RPRD2: variants seen among roughly 807,000 people sequenced by gnomAD.
RPRD2 encodes regulation of nuclear pre-mRNA domain containing 2.
In RPRD2, 12 loss-of-function variants were observed where a neutral mutation model predicts 104.4. That is an observed-to-expected ratio of 0.11 (90% CI 0.07 to 0.19). The LOEUF (loss-of-function observed/expected upper bound fraction) is 0.19. Among genes scored for constraint, RPRD2 ranks in the 10% least tolerant of loss-of-function variants. RPRD2 has a pLI of 1.00. For missense variants in RPRD2, 1,543 were observed against 1,790.1 expected (o/e 0.86, Z 2.49); for synonymous variants, 714 against 684.9 (o/e 1.04, Z -0.66).
chr1:150,372,797 G>T (rs1660415302), intron 1 of RPRD2, among the ~76,000 whole-genome samples: 1 of 152,114 alleles, frequency 6.6e-6, no homozygotes, highest in Non-Finnish European at 1.5e-5. Context: ...TGAGGTTAGA[G>T]TGTGCCTGGT....
chr1:150,437,994 A>G (rs1666127018), intron 2 of RPRD2, among the ~76,000 whole-genome samples: 1 of 151,312 alleles, frequency 6.6e-6, no homozygotes, highest in Non-Finnish European at 1.5e-5. Context: ...AAAAAAAAAA[A>G]AAAGTTGAGC....
At chr1:150,419,367 A>G (rs1664597296) in intron 2 of RPRD2, among the ~76,000 whole-genome samples, 2 of 152,226 alleles carry the variant, frequency 1.3e-5, no homozygotes, top group African/African-American at 2.4e-5. Context: ...GATCCTGTCA[A>G]ATTATGGAAT....
At chr1:150,417,574 T>C in intron 1 of RPRD2, 22 bp from the exon 2 acceptor site, 1 of 1,499,196 alleles carries the variant, frequency 6.7e-7, no homozygotes, top group Non-Finnish European at 9.0e-7. Context: ...TGGTTTTATT[T>C]ATTGTCTTTT....
chr1:150,405,054 G>C (rs964401740), intron 1 of RPRD2, among the ~76,000 whole-genome samples: 2 of 152,168 alleles, frequency 1.3e-5, no homozygotes, highest in Non-Finnish European at 2.9e-5. Flanking sequence ...GCTGAGGGTT[G>C]TTTGCAGGAT....
intron 1 of RPRD2, among the ~76,000 whole-genome samples, chr1:150,382,047 C>G (rs587739250): frequency 6.6e-6 from 1 of 152,266 alleles, no homozygotes; most frequent in African/African-American, 2.4e-5. Flanking sequence ...TTAGAAAATT[C>G]AGCAAATGAT....
chr1:150,412,389 C>T (rs373271728), intron 1 of RPRD2, among the ~76,000 whole-genome samples: 1 of 151,824 alleles, frequency 6.6e-6, no homozygotes, highest in Non-Finnish European at 1.5e-5. Flanking sequence ...GGGTGGTTTG[C>T]GGGAAGAAGT....
chr1:150,416,886 A>AAAC (rs1553888683), intron 1 of RPRD2, among the ~76,000 whole-genome samples: 6 of 151,226 alleles, frequency 4.0e-5, no homozygotes, highest in African/African-American at 9.7e-5. Flanking sequence ...AAAAAAAAAA[A>AAAC]AAAAACAAAA....
At chr1:150,411,392 C>G (rs587744804) in intron 1 of RPRD2, among the ~76,000 whole-genome samples, 1 of 139,222 alleles carries the variant, frequency 7.2e-6, no homozygotes, top group Admixed American at 7.3e-5. Flanking sequence ...ACCTGGGAGG[C>G]GGAGGTTGCA....
intron 2 of RPRD2, among the ~76,000 whole-genome samples, chr1:150,422,340 A>AAATAGTAATAATAATAAT (rs1664817758): frequency 7.8e-6 from 1 of 128,320 alleles, no homozygotes. Context: ...CTCTGTCTCA[A>AAATAGTAATAATAATAAT]AATAATAATA....
chr1:150,470,458 TG>T, intron 10 of RPRD2, 102 bp from the exon 11 acceptor site: 1 of 1,225,796 alleles, frequency 8.2e-7, no homozygotes, highest in Non-Finnish European at 1.1e-6. Context: ...TTTGTCTATC[TG>T]GTTCCCACCA....
At chr1:150,405,842 T>C (rs1380537690) in intron 1 of RPRD2, among the ~76,000 whole-genome samples, 1 of 152,214 alleles carries the variant, frequency 6.6e-6, no homozygotes, top group Non-Finnish European at 1.5e-5. Flanking sequence ...CTGTTGACGC[T>C]TCCCACCCAT....
At chr1:150,452,605 G>A (rs1667259464) in intron 7 of RPRD2, among the ~76,000 whole-genome samples, 1 of 144,596 alleles carries the variant, frequency 6.9e-6, no homozygotes, top group African/African-American at 2.5e-5. Context: ...TTGATGCTCA[G>A]TTTGACAAAG....
At chr1:150,373,530 T>C (rs1333925515) in intron 1 of RPRD2, among the ~76,000 whole-genome samples, 1 of 137,626 alleles carries the variant, frequency 7.3e-6, no homozygotes, top group African/African-American at 2.9e-5. Flanking sequence ...TAATCAAGAA[T>C]GACTTTTTTT....
chr1:150,401,933 G>T (rs1321385554), intron 1 of RPRD2, among the ~76,000 whole-genome samples: 3 of 147,778 alleles, frequency 2.0e-5, no homozygotes, highest in African/African-American at 7.5e-5. Flanking sequence ...GTGAGCCACC[G>T]TGCCCAGTGG....
chr1:150,419,099 G>A (rs1036730549), intron 2 of RPRD2, among the ~76,000 whole-genome samples: 1 of 152,120 alleles, frequency 6.6e-6, no homozygotes, highest in African/African-American at 2.4e-5. Context: ...CCCCACATTC[G>A]GGGAGAATTC....
intron 2 of RPRD2, among the ~76,000 whole-genome samples, 172 bp downstream of exon 2, chr1:150,417,897 TTTTC>T (rs1553888878): frequency 7.3e-5 from 11 of 151,286 alleles, no homozygotes; most frequent in African/African-American, 2.7e-4. Flanking sequence ...CTTTCTTTTC[TTTTC>T]TTTTCTTTTT....
chr1:150,450,311 GTATT>G (rs1372690063), intron 7 of RPRD2, among the ~76,000 whole-genome samples: 17 of 151,990 alleles, frequency 1.1e-4, no homozygotes, highest in African/African-American at 3.6e-4. Context: ...GTGTATGTAT[GTATT>G]TATTTATTTA....
intron 1 of RPRD2, among the ~76,000 whole-genome samples, chr1:150,382,000 A>T (rs975953617): frequency 2.0e-5 from 3 of 152,212 alleles, no homozygotes; most frequent in Admixed American, 6.5e-5. Context: ...ATTAAATAAG[A>T]TGCTTCATAT....
intron 7 of RPRD2, among the ~76,000 whole-genome samples, chr1:150,450,459 T>C (rs1324057574): frequency 1.3e-5 from 2 of 150,620 alleles, no homozygotes; most frequent in Non-Finnish European, 3.0e-5. Context: ...TAAAAAAAAT[T>C]AGGTGGGCGT....
Sources: gnomAD v4.1 joint callset for allele counts (sites outside exome capture counted in the v4.1 genomes callset) on GRCh38, gnomAD v4.1.1 for gene constraint, MANE v1.5 for transcripts, NCBI Gene and HGNC (gene_info 2026-07-23, HGNC 2026-07-21) for gene names.